TOGARAM2: variants seen among roughly 807,000 people sequenced by gnomAD.
TOGARAM2 encodes TOG array regulator of axonemal microtubules 2, also known as TOG array regulator of axonemal microtubules protein 2.
Under a neutral mutation model 93.3 loss-of-function variants are expected in TOGARAM2, and 85 were observed. That is an observed-to-expected ratio of 0.91 (90% CI 0.76 to 1.09). The LOEUF (loss-of-function observed/expected upper bound fraction) is 1.09, where lower values mean the gene tolerates loss of function less well. Ranked by LOEUF, TOGARAM2 falls within the 50% of genes least tolerant of loss-of-function variation. The pLI, the probability that TOGARAM2 is intolerant of heterozygous loss-of-function variation, is 0.00. For synonymous variants in TOGARAM2, 593 were observed against 552.8 expected (o/e 1.07, Z -1.02); for missense variants, 1,277 against 1,334.5 (o/e 0.96, Z 0.67).
intron 1 of TOGARAM2, among the ~76,000 whole-genome samples, chr2:28,987,083 C>G (rs1672501055): frequency 6.6e-6 from 1 of 152,180 alleles, no homozygotes; most frequent in East Asian, 1.9e-4. Flanking sequence ...TGGCCTCAAC[C>G]TAGTTACTTA....
Position 29,016,256 on chromosome 2 carries a change from C to G in TOGARAM2, c.1045-898C>G, listed in dbSNP as rs139106473. 9.8e-3 allele frequency among the ~76,000 whole-genome samples: 1,491 copies of G among 152,184 alleles called. 21 individuals are homozygous for G. The highest frequency in any genetic ancestry group is 0.033 in the African/African-American group (1,390 of 41,516). ...GTGAGCTGCACCTGAGAAGCATGTC[C>G]AGAATCTGCCCACCCCACCATCCCC... On this transcript the variant is annotated intron_variant, in intron 8 of 19. Transcript: ENST00000379558.
chr2:29,011,330 A>T (rs1664231741), intron 6 of TOGARAM2, 125 bp from the exon 7 acceptor site: 1 of 745,012 alleles, frequency 1.3e-6, no homozygotes, highest in South Asian at 1.7e-5. Flanking sequence ...TGCAGGGATA[A>T]CAGTGCCGTC....
chr2:28,994,552 G>T (rs146124910), intron 1 of TOGARAM2, among the ~76,000 whole-genome samples, 173 bp from the exon 2 acceptor site: 126 of 152,294 alleles, frequency 8.3e-4, no homozygotes, highest in African/African-American at 2.8e-3. Context: ...ACACGGCCTC[G>T]CACTTGGGAA....
intron 4 of TOGARAM2, among the ~76,000 whole-genome samples, chr2:28,999,742 G>A (rs1673188758): frequency 6.6e-6 from 1 of 152,230 alleles, no homozygotes; most frequent in Non-Finnish European, 1.5e-5. Context: ...TTAAGCAAAT[G>A]TTCTTCCCAT....
intron 13 of TOGARAM2, among the ~76,000 whole-genome samples, chr2:29,025,796 G>A (rs1413783918): frequency 1.3e-5 from 2 of 152,142 alleles, no homozygotes; most frequent in Non-Finnish European, 2.9e-5. Flanking sequence ...ACTTGTTATG[G>A]TCACCAACTC....
chr2:29,018,158 G>T lies in TOGARAM2; in HGVS notation c.1360+202G>T. The T allele has an allele frequency of 9.9e-6, 6 of 603,042 alleles. No individual in the cohort carries two copies. In the South Asian group the frequency reaches 1.4e-4, roughly 14 times the overall value. The allele number at this position is 603,042 out of a possible 1,614,324, so 37.4% of individuals were successfully genotyped here. ...CATCATTGTCTACAGGCTGGGCTTG[G>T]GACCCAGGATGTCACAACTGGAGTT... On this transcript the variant is annotated intron_variant, in intron 10 of 19. Transcript: ENST00000379558.
In TOGARAM2 at chr2:29,041,149, C is replaced by T. The variant is rs529707695; in HGVS notation, c.2636-4175C>T. 3.2e-4 allele frequency among the ~76,000 whole-genome samples: 48 copies of T among 152,000 alleles called. 1 individual carries two copies. Among genetic ancestry groups the T allele is most frequent in the African/African-American group, 9.4e-4 (39 of 41,424 alleles). The stretch of plus-strand genomic sequence containing the variant: ...AAGCGATGCTTCTGCCTCAGCCTCC[C>T]GAGTAGCTGGGATTACAGGTGCATG... On this transcript the variant is annotated intron_variant, in intron 18 of 19. Coordinates refer to ENST00000379558, the MANE Select transcript of TOGARAM2 (RefSeq NM_199280.4).
intron 6 of TOGARAM2, among the ~76,000 whole-genome samples, chr2:29,010,714 C>G (rs1268693587): frequency 6.6e-6 from 1 of 151,824 alleles, no homozygotes; most frequent in South Asian, 2.1e-4. Flanking sequence ...TCCATGGGAA[C>G]CTGAGCTCCC....
intron 1 of TOGARAM2, among the ~76,000 whole-genome samples, chr2:28,971,657 G>T (rs912539586): frequency 4.0e-5 from 6 of 151,884 alleles, no homozygotes; most frequent in African/African-American, 1.5e-4. Flanking sequence ...TTCCTGAGTG[G>T]TTTTTCTTCC....
At chr2:29,042,724 G>A (rs879646974) in intron 18 of TOGARAM2, among the ~76,000 whole-genome samples, 54 of 152,150 alleles carry the variant, frequency 3.5e-4, no homozygotes, top group African/African-American at 1.3e-3. Context: ...GGCACAAGCC[G>A]TTTCCTAGCT....
At chr2:29,045,963 C>T (rs1048559047) in intron 19 of TOGARAM2, 1 of 169,980 alleles carries the variant, frequency 5.9e-6, no homozygotes, top group South Asian at 1.4e-4. Flanking sequence ...TCAGACAGAC[C>T]ATGCCTAGTG....
chr2:29,022,684 G>A (rs1665036385), intron 11 of TOGARAM2, among the ~76,000 whole-genome samples: 1 of 152,182 alleles, frequency 6.6e-6, no homozygotes, highest in South Asian at 2.1e-4. Flanking sequence ...CTCCCACTGT[G>A]GGGATGCAGG....
chr2:29,032,920 C>T lies in TOGARAM2; in HGVS notation c.2013-14C>T. On this transcript the variant is annotated splice_polypyrimidine_tract_variant and intron_variant, in intron 14 of 19. Coordinates refer to ENST00000379558, the MANE Select transcript of TOGARAM2 (RefSeq NM_199280.4). ...AGAGGCTGTTTCTTTATCTTGCTCT[C>T]TCTCCTGTGGCAGATTTTATGGCCG... 1.2e-6 allele frequency: 2 copies of T among 1,608,880 alleles called. No individual in the cohort carries two copies. The highest frequency in any genetic ancestry group is 1.7e-6 in the Non-Finnish European group (2 of 1,176,492).
intron 1 of TOGARAM2, among the ~76,000 whole-genome samples, chr2:28,960,744 G>A (rs992921146): frequency 1.3e-5 from 2 of 152,212 alleles, no homozygotes; most frequent in African/African-American, 2.4e-5. Flanking sequence ...TGTGATGACA[G>A]AAATGTTCTC....
At chr2:29,035,787 G>T in intron 17 of TOGARAM2, 131 bp downstream of exon 17, 1 of 920,026 alleles carries the variant, frequency 1.1e-6, no homozygotes, top group Non-Finnish European at 1.5e-6. Context: ...GTAACATGGA[G>T]ACTACCTGGA....
chr2:29,004,288 T>C (rs948760487), intron 6 of TOGARAM2, among the ~76,000 whole-genome samples: 2 of 152,218 alleles, frequency 1.3e-5, no homozygotes, highest in Non-Finnish European at 2.9e-5. Context: ...CGGCTATGAA[T>C]AAAACACTAT....
chr2:29,002,425 C>A, intron 4 of TOGARAM2, 111 bp from the exon 5 acceptor site: 1 of 916,840 alleles, frequency 1.1e-6, no homozygotes, highest in Non-Finnish European at 1.7e-6. Flanking sequence ...TCTCTCTCCT[C>A]GCCATCCCAG....
At chr2:29,009,863 C>A (rs998674066) in intron 6 of TOGARAM2, among the ~76,000 whole-genome samples, 1 of 152,060 alleles carries the variant, frequency 6.6e-6, no homozygotes, top group Non-Finnish European at 1.5e-5. Flanking sequence ...GGCGGGGCTG[C>A]CACGTGCAGG....
chr2:29,033,989 G>T (rs1204602562), intron 16 of TOGARAM2, among the ~76,000 whole-genome samples: 2 of 152,110 alleles, frequency 1.3e-5, no homozygotes, highest in Non-Finnish European at 2.9e-5. Context: ...GGGAGGAGGG[G>T]GTGTGGGGTT....
Sources: allele counts gnomAD v4.1 joint callset (sites outside exome capture counted in the v4.1 genomes callset), GRCh38; gene constraint gnomAD v4.1.1; transcripts MANE v1.5; gene names NCBI Gene and HGNC (gene_info 2026-07-23, HGNC 2026-07-21).